Variants in TLE2 observed in about 807,000 individuals in gnomAD.
TLE2 encodes transducin-like enhancer protein 2.
Under a neutral mutation model 97.2 loss-of-function variants are expected in TLE2, and 74 were observed. That is an observed-to-expected ratio of 0.76 (90% CI 0.63 to 0.92). The LOEUF (loss-of-function observed/expected upper bound fraction) is 0.92, where lower values mean the gene tolerates loss of function less well. Among genes scored for constraint, TLE2 ranks in the 40% least tolerant of loss-of-function variants. The probability of loss-of-function intolerance (pLI) is 0.00; values close to 1 mark genes in which losing one functional copy is unlikely to be tolerated. For missense variants in TLE2, 1,038 were observed against 1,008.7 expected (o/e 1.03, Z -0.39); for synonymous variants, 499 against 432.1 (o/e 1.15, Z -1.92).
chr19:3,021,448 C>G lies in TLE2; in HGVS notation c.295-1675G>C, dbSNP rs2089842317. Among the ~76,000 whole-genome samples the G allele has an allele frequency of 2.6e-5, 4 of 152,160 alleles. No homozygotes were observed. The South Asian group carries it at 8.3e-4, about 32-fold the overall frequency. The stretch of plus-strand genomic sequence containing the variant: ...AAAATGTTGTATTTTTGCTGTTCCA[C>G]ACAGAAGCCACTGGCCATGTGTGTG... On this transcript the variant is annotated intron_variant, in intron 5 of 19. Transcript: ENST00000262953.
upstream of TLE2, among the ~76,000 whole-genome samples, chr19:3,033,493 G>C (rs1599252225): frequency 6.6e-6 from 1 of 152,102 alleles, no homozygotes; most frequent in Non-Finnish European, 1.5e-5. Context: ...GTAGAGACAT[G>C]GTTTCACCAT....
At chr19:3,007,857 G>C (rs781657858) in intron 14 of TLE2, among the ~76,000 whole-genome samples, 3 of 152,082 alleles carry the variant, frequency 2.0e-5, no homozygotes, top group Non-Finnish European at 2.9e-5. Context: ...GGCCAAGGTG[G>C]GTGGATCATT....
chr19:3,028,397 G>C lies in TLE2; in HGVS notation c.123-15C>G. The C allele has an allele frequency of 6.3e-7, 1 of 1,592,864 alleles. No homozygotes were observed. The highest frequency in any genetic ancestry group is 8.6e-7 in the Non-Finnish European group (1 of 1,168,826). The stretch of plus-strand genomic sequence containing the variant: ...CTAGCTTGAGGCTGAGAAGAAGAGA[G>C]AGGGCAAGGGGCTCCCACCCGCCCC... On this transcript the variant is annotated splice_polypyrimidine_tract_variant and intron_variant, in intron 2 of 19. Transcript: ENST00000262953.
At position 3,025,094 on chromosome 19, in the gene TLE2, C is replaced by A; in HGVS notation, c.232-12G>T. ...TTCACAATCTCCGCCTGGCAGGAAG[C>A]AATGAGAGGAAGCTTGGAGCGGGGT... On this transcript the variant is annotated splice_polypyrimidine_tract_variant and intron_variant, in intron 4 of 19. Coordinates refer to ENST00000262953, the MANE Select transcript of TLE2 (RefSeq NM_003260.5). The A allele has an allele frequency of 8.1e-6, 13 of 1,601,144 alleles. No homozygotes were observed. The highest frequency in any genetic ancestry group is 1.1e-5 in the Non-Finnish European group (13 of 1,174,152).
At chr19:3,041,591 C>T (rs2090103892) in intron 1 of TLE2, among the ~76,000 whole-genome samples, 1 of 152,204 alleles carries the variant, frequency 6.6e-6, no homozygotes, top group African/African-American at 2.4e-5. Context: ...CTCTCTCTGT[C>T]ACCAACCCTT....
chr19:3,000,781 G>T, intron 18 of TLE2, 58 bp from the exon 19 acceptor site: 3 of 1,386,974 alleles, frequency 2.2e-6, no homozygotes, highest in Non-Finnish European at 2.0e-6. Context: ...GACCCGGGCT[G>T]CAGGGGGAGG....
At chr19:3,035,935 C>T (rs115178636) in intron 1 of TLE2, among the ~76,000 whole-genome samples, 211 of 152,292 alleles carry the variant, frequency 1.4e-3, no homozygotes, top group African/African-American at 4.6e-3. Context: ...AGCGAGTCAC[C>T]CCCAAGCCTG....
chr19:3,019,467 C>T lies in TLE2; in HGVS notation c.370-4G>A, dbSNP rs1208023453. Reference sequence around the variant, plus strand: ...GGGACAGCGGCTGGAGCTGCTGCTGCTAGAAAGGAGGCAGGATGGGCCGGG... The same window carrying T: ...GGGACAGCGGCTGGAGCTGCTGCTGTTAGAAAGGAGGCAGGATGGGCCGGG... On this transcript the variant is annotated splice_region_variant and splice_polypyrimidine_tract_variant and intron_variant, in intron 6 of 19. Transcript: ENST00000262953. The surrounding 1 kb of genome is among the most constrained non-coding windows in gnomAD (Gnocchi z 5.1). 19 of 1,510,688 alleles carry T rather than the reference C, an allele frequency of 1.3e-5. No individual in the cohort carries two copies. The highest frequency in any genetic ancestry group is 1.6e-5 in the Non-Finnish European group (18 of 1,134,060). The allele number at this position is 1,510,688 out of a possible 1,614,324, so 93.6% of individuals were successfully genotyped here. A position where few individuals can be genotyped will look rare whatever the true frequency, so the allele number is the denominator to read the frequency against.
chr19:3,015,880 C>T (rs996632203), intron 8 of TLE2, 120 bp from the exon 9 acceptor site: 2 of 760,890 alleles, frequency 2.6e-6, no homozygotes, highest in African/African-American at 1.7e-5. Flanking sequence ...CTCAAGCTTC[C>T]CATCTGGGAA....
chr19:3,010,685 G>A (rs992705865), intron 12 of TLE2, among the ~76,000 whole-genome samples: 2 of 152,194 alleles, frequency 1.3e-5, no homozygotes, highest in African/African-American at 4.8e-5. Flanking sequence ...GCTCAGAGAG[G>A]TTGGGTCACT....
chr19:3,028,203 A>C, intron 3 of TLE2, 116 bp downstream of exon 3: 1 of 1,121,512 alleles, frequency 8.9e-7, no homozygotes, highest in Non-Finnish European at 1.3e-6. Context: ...CAACCTGCCC[A>C]ATGTACAGAC....
In TLE2 at chr19:3,023,909, A is replaced by AC. The variant is rs2089894684; in HGVS notation, c.294+1110_294+1111insG. 3.0e-5 allele frequency among the ~76,000 whole-genome samples: 3 copies of AC among 98,566 alleles called. No homozygotes were observed. The Admixed American group carries it at 3.3e-4, about 11-fold the overall frequency. 64.7% of individuals were successfully genotyped at this position (98,566 alleles called of 152,430 possible). On this transcript the variant is annotated intron_variant, in intron 5 of 19. Coordinates refer to ENST00000262953, the MANE Select transcript of TLE2 (RefSeq NM_003260.5). ...TCCATCACACACACACACACACACA[A>AC]AAGAAAAGAAAAAGAAAAAAGAAAC...
intron 3 of TLE2, 50 bp downstream of exon 3, chr19:3,028,269 C>T: frequency 6.4e-7 from 1 of 1,562,012 alleles, no homozygotes; most frequent in Non-Finnish European, 8.7e-7. Flanking sequence ...CACCGTGACT[C>T]AAAGCCCTGC....
At chr19:3,038,050 A>C (rs147892494) in intron 1 of TLE2, among the ~76,000 whole-genome samples, 4,381 of 152,110 alleles carry the variant, frequency 0.029, 87 homozygotes, top group Non-Finnish European at 0.044. Flanking sequence ...GGAACCCAGA[A>C]GGCGGAGGTT....
chr19:3,036,036 A>G (rs1037848286), intron 1 of TLE2, among the ~76,000 whole-genome samples: 3 of 152,176 alleles, frequency 2.0e-5, no homozygotes, highest in Non-Finnish European at 2.9e-5. Flanking sequence ...CCTATTTCAC[A>G]GATAGGTAAA....
chr19:3,013,640 G>A, intron 11 of TLE2, 29 bp downstream of exon 11: 1 of 1,346,142 alleles, frequency 7.4e-7, no homozygotes, highest in Non-Finnish European at 9.6e-7. Context: ...TGAATAAAGT[G>A]AGTTTCAAGG....
At chr19:3,014,649 C>A (rs1844880) in intron 9 of TLE2, 35 bp from the exon 10 acceptor site, 701,497 of 1,555,582 alleles carry the variant, frequency 0.45, 164,502 homozygotes, top group East Asian at 0.6. Flanking sequence ...TCATTGTGGT[C>A]ATGCCCCTGC....
intron 14 of TLE2, 79 bp downstream of exon 14, chr19:3,008,790 A>C: frequency 8.2e-7 from 1 of 1,218,224 alleles, no homozygotes; most frequent in Non-Finnish European, 1.1e-6. Context: ...GGGAGACCCC[A>C]ACCACAGAGG....
chr19:3,025,784 A>C, intron 4 of TLE2: 1 of 196,492 alleles, frequency 5.1e-6, no homozygotes, highest in Non-Finnish European at 9.2e-6. Flanking sequence ...AGGAGGGTGG[A>C]ACTGGGATCC....
Sources: allele counts gnomAD v4.1 joint callset (sites outside exome capture counted in the v4.1 genomes callset), GRCh38; gene constraint gnomAD v4.1.1; non-coding constraint Gnocchi (gnomAD v3.1); transcripts MANE v1.5; gene names NCBI Gene and HGNC (gene_info 2026-07-23, HGNC 2026-07-21).